Variants in PP2D1 observed in about 807,000 individuals in gnomAD.
PP2D1 encodes protein phosphatase 2C like domain containing 1.
A neutral mutation model predicts 30.2 loss-of-function variants in PP2D1; 25 were observed. The ratio of observed to expected loss-of-function variants is 0.83; its 90% CI spans 0.60 to 1.16. The LOEUF (loss-of-function observed/expected upper bound fraction) is 1.16, where lower values mean the gene tolerates loss of function less well. Ranked by LOEUF, PP2D1 falls within the 50% of genes most tolerant of loss-of-function variation. The pLI is 0.00. For synonymous variants in PP2D1, 260 were observed against 258.9 expected, an observed-to-expected ratio of 1.00 and a Z score of -0.04; for missense variants, 760 against 742.4, an observed-to-expected ratio of 1.02 and a Z score of -0.28.
intron 2 of PP2D1, among the ~76,000 whole-genome samples, chr3:19,989,222 C>T (rs976088808): frequency 2.6e-5 from 4 of 152,140 alleles, no homozygotes; most frequent in African/African-American, 4.8e-5. Flanking sequence ...ATCCCAGCTA[C>T]TCAGGAGGCT....
In PP2D1 at chr3:19,986,094, T is replaced by G. The variant is rs1697029706; in HGVS notation, c.1179A>C (p.Arg393Ser). 1 of 1,535,024 alleles carries G rather than the reference T, an allele frequency of 6.5e-7. No homozygotes were observed. The highest frequency in any genetic ancestry group is 1.4e-5 in the African/African-American group (1 of 73,024). Residue 393 changes from arginine to serine, a missense_variant, in exon 3 of 3, where the codon AGA becomes AGC. Coordinates refer to ENST00000389050, the MANE Select transcript of PP2D1 (RefSeq NM_001252657.2). ...HTTRNTNERR[R>S]ILQNGAVISS... ...TAATGACTGCTCCATTCTGAAGTATTCTTCTTCTTTCATTTGTGTTTCGTG... is the reference window on the plus strand; with the variant it reads ...TAATGACTGCTCCATTCTGAAGTATGCTTCTTCTTTCATTTGTGTTTCGTG...
chr3:20,001,966 G>A lies in PP2D1; in HGVS notation c.154C>T (p.His52Tyr). Reference protein sequence around the residue: ...KSRPVRHTKRHEEEQVYEQGT... With the variant: ...KSRPVRHTKRYEEEQVYEQGT... The stretch of plus-strand genomic sequence containing the variant: ...TGCTCATAGACCTGCTCCTCTTCAT[G>A]GCGTTTGGTGTGTCTCACTGGTCTT... Residue 52 changes from histidine (H) to tyrosine (Y), a missense_variant, in exon 2 of 3, where the codon CAT becomes TAT. By Grantham distance (83) the His-to-Tyr change is moderately conservative. Coordinates refer to ENST00000389050, the MANE Select transcript of PP2D1 (RefSeq NM_001252657.2). The A allele has an allele frequency of 6.5e-7, 1 of 1,536,234 alleles. No homozygotes were observed. The highest frequency in any genetic ancestry group is 8.7e-7 in the Non-Finnish European group (1 of 1,146,932).
chr3:19,986,215 T>C, intron 2 of PP2D1, 33 bp from the exon 3 acceptor site: 2 of 1,390,096 alleles, frequency 1.4e-6, no homozygotes, highest in Non-Finnish European at 1.9e-6. Context: ...AAGAAATTTT[T>C]ATCCTAGAGA....
At chr3:19,985,253 C>G, downstream of PP2D1, 1 of 697,642 alleles carries the variant, frequency 1.4e-6, no homozygotes, top group Admixed American at 3.1e-5. Flanking sequence ...ACCTAGTATC[C>G]GCTTTTATAT....
intron 2 of PP2D1, among the ~76,000 whole-genome samples, chr3:19,986,415 T>A (rs891206316): frequency 6.6e-6 from 1 of 152,226 alleles, no homozygotes; most frequent in African/African-American, 2.4e-5. Context: ...TGTTTAAAAC[T>A]ATTACATTTA....
chr3:19,981,252 T>G (rs9847217), downstream of PP2D1, among the ~76,000 whole-genome samples: 1 of 152,222 alleles, frequency 6.6e-6, no homozygotes, highest in African/African-American at 2.4e-5. Context: ...GAAAGTGATA[T>G]GCATTTAGTA....
chr3:19,985,774 C>A lies in PP2D1; in HGVS notation c.1499G>T (p.Ser500Ile), dbSNP rs751156695. The change falls in exon 3 of 3, where the codon AGT (serine) becomes ATT (isoleucine). Residue 500 changes from serine (S) to isoleucine (I), a missense_variant. Ser to Ile is a moderately radical substitution (Grantham distance 142, BLOSUM62 -2). Transcript: ENST00000389050. ...CTGTGATTTAGTAAGGTTTGGTTCA[C>A]TGGTTGAAAAAAGCAGAGGCCCTTT... ...PSKGPLLFSTSEPNLTKSQSN... is the reference protein window; with the variant it reads ...PSKGPLLFSTIEPNLTKSQSN... 2.0e-6 allele frequency: 3 copies of A among 1,536,018 alleles called. No homozygotes were observed. The highest frequency in any genetic ancestry group is 2.6e-6 in the Non-Finnish European group (3 of 1,146,862).
chr3:19,980,456 T>C (rs200118876), downstream of PP2D1, among the ~76,000 whole-genome samples: 1,684 of 144,674 alleles, frequency 0.012, 11 homozygotes, highest in Middle Eastern at 0.05. Flanking sequence ...TTTTTTTTTC[T>C]TTTTTTTTTT....
At chr3:19,983,433 A>G (rs1696971380), downstream of PP2D1, among the ~76,000 whole-genome samples, 1 of 152,076 alleles carries the variant, frequency 6.6e-6, no homozygotes, top group South Asian at 2.1e-4. Flanking sequence ...ATAGAGAATT[A>G]CATAAAGCAC....
chr3:19,986,226 T>A, intron 2 of PP2D1, 44 bp from the exon 3 acceptor site: 1 of 1,312,866 alleles, frequency 7.6e-7, no homozygotes, highest in African/African-American at 1.5e-5. Flanking sequence ...ATCCTAGAGA[T>A]AACCAATTGT....
rs555597784 is a variant in PP2D1, at chr3:20,000,044, T to A, written c.1090+986A>T. Among the ~76,000 whole-genome samples, 36 of 152,308 alleles carry A rather than the reference T, an allele frequency of 2.4e-4. No homozygotes were observed. In the South Asian group the frequency reaches 5.4e-3, roughly 23 times the overall value. ...TGTTGTAGTATTCTTTGTGATTATC[T>A]GGCCTTGCAACACTGTCTCTGCCAC... On this transcript the variant is annotated intron_variant, in intron 2 of 2. Transcript: ENST00000389050.
intron 2 of PP2D1, among the ~76,000 whole-genome samples, chr3:19,999,577 C>T (rs1294677776): frequency 2.7e-5 from 4 of 147,336 alleles, no homozygotes; most frequent in Admixed American, 1.4e-4. Flanking sequence ...TTAGTAAAGA[C>T]GGGGTTTCAC....
At chr3:20,005,044 G>A (rs1268170471) in intron 1 of PP2D1, among the ~76,000 whole-genome samples, 1 of 152,136 alleles carries the variant, frequency 6.6e-6, no homozygotes, top group Non-Finnish European at 1.5e-5. Flanking sequence ...CTGGGAGGTG[G>A]AAGCTGCAGT....
intron 1 of PP2D1, among the ~76,000 whole-genome samples, chr3:20,008,947 G>A (rs1160358725): frequency 6.6e-6 from 1 of 152,128 alleles, no homozygotes; most frequent in Non-Finnish European, 1.5e-5. Flanking sequence ...AAAGGACACT[G>A]AGAACTATGC....
Position 19,985,364 on chromosome 3 carries a change from T to G in PP2D1, c.*16A>C, listed in dbSNP as rs540843069. On this transcript the variant is annotated 3_prime_UTR_variant, in exon 3 of 3. Coordinates refer to ENST00000389050, the MANE Select transcript of PP2D1 (RefSeq NM_001252657.2). ...CTTTATATTTTGGTGCTCTGGATAA[T>G]TGGAACTTTATTTTTTTATGTCAGA... The G allele has an allele frequency of 5.3e-6, 8 of 1,499,528 alleles. No homozygotes were observed. In the African/African-American group the frequency reaches 1.1e-4, roughly 21 times the overall value. The allele number at this position is 1,499,528 out of a possible 1,614,324, so 92.9% of individuals were successfully genotyped here.
chr3:19,990,886 G>C (rs1697111620), intron 2 of PP2D1, among the ~76,000 whole-genome samples: 2 of 152,100 alleles, frequency 1.3e-5, no homozygotes, highest in South Asian at 4.2e-4. Flanking sequence ...GAGAAGTGGA[G>C]AGGAACCAGC....
Position 20,001,696 on chromosome 3 carries a change from G to A in PP2D1, c.424C>T (p.Gln142Ter). 1 of 1,534,296 alleles carries A rather than the reference G, an allele frequency of 6.5e-7. No homozygotes were observed. Among genetic ancestry groups the A allele is most frequent in the African/African-American group, 1.4e-5 (1 of 72,942 alleles). The change falls in exon 2 of 3, where the codon CAA becomes TAA. Residue 142 changes from glutamine (Q) to a stop codon, truncating the protein, a stop_gained. Transcript: ENST00000389050. LOFTEE classifies it high-confidence loss of function. ...AAAATCTTATAGTATGCTGGTATTT[G>A]TTTTTTCCAAAGCAGCTCAAAAGCA... ...NNAFELLWKK[Q>*]IPAYYKIFDN...
At position 19,985,726 on chromosome 3, in the gene PP2D1, T is replaced by C; in HGVS notation, c.1547A>G (p.Gln516Arg). 1 of 1,535,922 alleles carries C rather than the reference T, an allele frequency of 6.5e-7. No individual in the cohort carries two copies. The highest frequency in any genetic ancestry group is 8.7e-7 in the Non-Finnish European group (1 of 1,146,678). ...KSQSNIHVLF[Q>R]YKSVSEVRVS... is the part of the protein sequence containing the mutation. ...ACGTACTTCAGATACAGATTTATAC[T>C]GAAACAATACGTGGATATTACTCTG... The change falls in exon 3 of 3, where the codon CAG becomes CGG. Residue 516 changes from glutamine (Q) to arginine (R), a missense_variant. By Grantham distance (43) the Gln-to-Arg change is conservative. Around this residue, in one of 3 missense-constraint regions of PP2D1, gnomAD observed 369 missense variants for 316.2 expected, o/e 1.17. Transcript: ENST00000389050.
In PP2D1 at chr3:20,001,797, A is replaced by G; in HGVS notation, c.323T>C (p.Val108Ala). 6.5e-7 allele frequency: 1 copy of G among 1,535,278 alleles called. No homozygotes were observed. Among genetic ancestry groups the G allele is most frequent in the Non-Finnish European group, 8.7e-7 (1 of 1,146,634 alleles). ...RKKPQPSVIA[V>A]QRQFMISKLL... ...TTTAGAAATCATGAACTGTCTCTGA[A>G]CAGCAATCACTGAGGGCTGTGGTTT... is the stretch of plus-strand genomic sequence containing the variant. The change falls in exon 2 of 3, where the codon GTT becomes GCT. Residue 108 changes from valine (V) to alanine (A), a missense_variant. Val to Ala is a moderately conservative substitution (Grantham distance 64). Around this residue, in one of 3 missense-constraint regions of PP2D1, gnomAD observed 374 missense variants for 388.8 expected, o/e 0.96. Transcript: ENST00000389050.
Sources: gnomAD v4.1 joint callset for allele counts (sites outside exome capture counted in the v4.1 genomes callset) on GRCh38, gnomAD v4.1.1 for gene constraint, gnomAD v4.1.1 regional missense constraint, MANE v1.5 for transcripts, NCBI Gene and HGNC (gene_info 2026-07-23, HGNC 2026-07-21) for gene names.